PDE12: variants seen among roughly 807,000 people sequenced by gnomAD.
PDE12 encodes 2',5'-phosphodiesterase 12.
In PDE12, 26 loss-of-function variants were observed where a neutral mutation model predicts 45.4. That is an observed-to-expected ratio of 0.57 (90% CI 0.42 to 0.79). The LOEUF (loss-of-function observed/expected upper bound fraction) is 0.79, where lower values mean the gene tolerates loss of function less well. Ranked by LOEUF, PDE12 falls within the 30% of genes least tolerant of loss-of-function variation. The pLI, the probability that PDE12 is intolerant of heterozygous loss-of-function variation, is 0.00. For synonymous variants in PDE12, 283 were observed against 323.9 expected, an observed-to-expected ratio of 0.87 and a Z score of 1.36; for missense variants, 668 against 790.0, an observed-to-expected ratio of 0.85 and a Z score of 1.85.
chr3:57,635,995 T>C, the PDE12 span, among the ~76,000 whole-genome samples: 6 of 152,198 alleles, frequency 3.9e-5, no homozygotes, highest in South Asian at 1.2e-3. Flanking sequence ...ATGATTTTCT[T>C]AGTAACATTT....
the PDE12 span, among the ~76,000 whole-genome samples, chr3:57,619,898 T>G: frequency 6.6e-6 from 1 of 150,960 alleles, no homozygotes; most frequent in African/African-American, 2.4e-5. Context: ...AGAACATCTA[T>G]AAAAAACCTA....
At chr3:57,607,957 G>A in the PDE12 span, among the ~76,000 whole-genome samples, 1 of 152,060 alleles carries the variant, frequency 6.6e-6, no homozygotes, top group Non-Finnish European at 1.5e-5. Flanking sequence ...AAGTTGAAAT[G>A]AAGGAAAAAA....
rs774465401 is a variant in PDE12 at position 57,559,578 on chromosome 3, C to T, written c.1404C>T (p.Leu468=). Residue 468 remains leucine (L), a synonymous_variant, in exon 3 of 3, where the codon CTC becomes CTT. Coordinates refer to ENST00000311180, the MANE Select transcript of PDE12 (RefSeq NM_177966.7). ...TATTCATAGGTGGGTATATTCGCCT[C>T]ATTCAAATGGCAGTAGCCTTGGCTC... ...YWHPKGGYIR[L]IQMAVALAHI... is the part of the protein sequence containing the mutation. The T allele has an allele frequency of 4.4e-6, 7 of 1,606,622 alleles. No homozygotes were observed. In the Middle Eastern group the frequency reaches 6.6e-4, roughly 152 times the overall value.
chr3:57,561,730 G>T lies in PDE12; in HGVS notation c.*1726G>T. On this transcript the variant is annotated 3_prime_UTR_variant, in exon 3 of 3. Transcript: ENST00000311180. ...CCTTGTTTCAAATTCTTTAATCTCT[G>T]AACCTAGTATCATAAGAATTTCCTC... 1.0e-6 allele frequency: 1 copy of T among 984,886 alleles called. No individual in the cohort carries two copies. Among genetic ancestry groups the T allele is most frequent in the Non-Finnish European group, 1.2e-6 (1 of 829,542 alleles). The allele number at this position is 984,886 out of a possible 1,614,324, so 61.0% of individuals were successfully genotyped here. A position where few individuals can be genotyped will look rare whatever the true frequency, so the allele number is the denominator to read the frequency against.
the PDE12 span, among the ~76,000 whole-genome samples, chr3:57,607,367 A>G: frequency 1.6e-4 from 25 of 152,296 alleles, no homozygotes; most frequent in Non-Finnish European, 2.5e-4. Flanking sequence ...GCTCCTCACC[A>G]GCAACAGAAC....
chr3:57,623,605 G>C, the PDE12 span, among the ~76,000 whole-genome samples: 3 of 152,226 alleles, frequency 2.0e-5, no homozygotes, highest in Non-Finnish European at 4.4e-5. Flanking sequence ...CTTGAACCTG[G>C]GAGGTGGAGG....
rs2153407720 is a variant in PDE12 at position 57,563,741 on chromosome 3, A to G, written c.*3737A>G. ...ATCTCTGCAAAAAATAAAATTAACC[A>G]GGCATGGTGGTGCATGCCTGTAGTC... On this transcript the variant is annotated 3_prime_UTR_variant, in exon 3 of 3. Coordinates refer to ENST00000311180, the MANE Select transcript of PDE12 (RefSeq NM_177966.7). The G allele has an allele frequency of 6.6e-6, 1 of 152,314 alleles. No homozygotes were observed. Among genetic ancestry groups the G allele is most frequent in the Non-Finnish European group, 1.5e-5 (1 of 68,082 alleles). 9.4% of individuals were successfully genotyped at this position (152,314 alleles called of 1,614,324 possible). A position where few individuals can be genotyped will look rare whatever the true frequency, so the allele number is the denominator to read the frequency against.
the PDE12 span, among the ~76,000 whole-genome samples, chr3:57,591,004 C>T: frequency 6.6e-6 from 1 of 152,162 alleles, no homozygotes; most frequent in Non-Finnish European, 1.5e-5. Flanking sequence ...AATAACCTTT[C>T]ATTTTTCAGA....
chr3:57,628,954 T>TAAGG, the PDE12 span: 1 of 1,384,988 alleles, frequency 7.2e-7, no homozygotes, highest in Non-Finnish European at 1.0e-6. Context: ...TTTCAATAGG[T>TAAGG]AAGGCTACTG....
the PDE12 span, among the ~76,000 whole-genome samples, chr3:57,604,623 G>A: frequency 5.2e-4 from 41 of 78,774 alleles, 5 homozygotes; most frequent in African/African-American, 1.8e-3. Flanking sequence ...TTTTTGGGGG[G>A]GGTGGGTGGG....
chr3:57,634,702 AC>A, the PDE12 span: 1 of 1,546,146 alleles, frequency 6.5e-7, no homozygotes, highest in Admixed American at 1.9e-5. Flanking sequence ...AAAAGTCAAT[AC>A]CAGGTTTGGA....
chr3:57,578,134 G>C, the PDE12 span, among the ~76,000 whole-genome samples: 1 of 152,036 alleles, frequency 6.6e-6, no homozygotes, highest in African/African-American at 2.4e-5. Context: ...ATAAAAGGGG[G>C]GTGGGATAGC....
chr3:57,654,114 A>ATT, the PDE12 span, among the ~76,000 whole-genome samples: 160 of 139,796 alleles, frequency 1.1e-3, 1 homozygote, highest in African/African-American at 4.1e-3. Context: ...CGCCCGGCTA[A>ATT]TTTTTTTTTT....
the PDE12 span, chr3:57,619,488 A>T: frequency 6.6e-6 from 1 of 152,272 alleles, no homozygotes; most frequent in Admixed American, 6.5e-5. Context: ...TCCCTTGGCA[A>T]GGTTGGAAGA....
chr3:57,634,860 C>A, the PDE12 span: 1 of 1,044,960 alleles, frequency 9.6e-7, no homozygotes, highest in Non-Finnish European at 1.3e-6. Context: ...CTGTTTATTA[C>A]TTAAGTATGT....
the PDE12 span, among the ~76,000 whole-genome samples, chr3:57,622,083 G>A: frequency 1.3e-5 from 2 of 152,184 alleles, no homozygotes; most frequent in Admixed American, 1.3e-4. Flanking sequence ...GGCTGAGGCA[G>A]GAGAATCACT....
At chr3:57,584,850 T>G in the PDE12 span, among the ~76,000 whole-genome samples, 2 of 151,896 alleles carry the variant, frequency 1.3e-5, no homozygotes, top group South Asian at 4.2e-4. Flanking sequence ...ACTACCAGCA[T>G]TTTTTGGGGG....
downstream of PDE12, among the ~76,000 whole-genome samples, chr3:57,569,147 T>G (rs1377933601): frequency 2.0e-5 from 3 of 152,184 alleles, no homozygotes; most frequent in African/African-American, 7.2e-5. Context: ...ATCAACTATT[T>G]CATAATACTT....
At chr3:57,617,559 G>A in the PDE12 span, among the ~76,000 whole-genome samples, 4 of 152,044 alleles carry the variant, frequency 2.6e-5, no homozygotes, top group East Asian at 7.7e-4. Flanking sequence ...AATCCACCCA[G>A]GTGCCCATCA....
Sources: gnomAD v4.1 joint callset for allele counts (sites outside exome capture counted in the v4.1 genomes callset) on GRCh38, gnomAD v4.1.1 for gene constraint, MANE v1.5 for transcripts, NCBI Gene and HGNC (gene_info 2026-07-23, HGNC 2026-07-21) for gene names.